The following SLC35E4 variants were observed in gnomAD, a reference collection of about 807,000 sequenced individuals.
SLC35E4 encodes solute carrier family 35, member E4.
SLC35E4 carries 15 observed loss-of-function variants against 19.3 expected under a neutral mutation model. The observed-to-expected ratio is 0.78, with a 90% confidence interval of 0.52 to 1.20. The LOEUF is 1.20. Among genes scored for constraint, SLC35E4 ranks in the 50% most tolerant of loss-of-function variants. The probability of loss-of-function intolerance (pLI) is 0.00; values close to 1 mark genes in which losing one functional copy is unlikely to be tolerated. For missense variants in SLC35E4, 406 were observed against 472.3 expected (o/e 0.86, Z 1.30); for synonymous variants, 219 against 219.9 (o/e 1.00, Z 0.04).
downstream of SLC35E4, among the ~76,000 whole-genome samples, chr22:30,651,849 C>T (rs2088228602): frequency 6.6e-6 from 1 of 151,992 alleles, no homozygotes; most frequent in Admixed American, 6.6e-5. Flanking sequence ...TCGGGAGTGG[C>T]TTAGTGGGTT....
chr22:30,650,982 C>T (rs2088199392), downstream of SLC35E4, among the ~76,000 whole-genome samples: 1 of 151,042 alleles, frequency 6.6e-6, no homozygotes, highest in Non-Finnish European at 1.5e-5. Context: ...CTTGGATTGG[C>T]ATTCCAGGGG....
At chr22:30,662,331 G>A (rs542599421) in exon 3 of SLC35E4, 2 of 152,314 alleles carry the variant, frequency 1.3e-5, no homozygotes, top group South Asian at 4.1e-4. Flanking sequence ...ACATGAAGAG[G>A]AGGTGACAGG....
chr22:30,649,225 G>A (rs766324334), downstream of SLC35E4: 10 of 717,108 alleles, frequency 1.4e-5, no homozygotes, highest in South Asian at 3.0e-5. Context: ...AATGAGGAGC[G>A]CTGGGCAGGG....
At chr22:30,657,644 C>T (rs1266099550) in intron 2 of SLC35E4, among the ~76,000 whole-genome samples, 1 of 151,712 alleles carries the variant, frequency 6.6e-6, no homozygotes, top group Non-Finnish European at 1.5e-5. Context: ...GTGGCTCATG[C>T]CTGTAATCCC....
downstream of SLC35E4, among the ~76,000 whole-genome samples, chr22:30,664,285 T>C (rs1279725966): frequency 6.6e-6 from 1 of 152,154 alleles, no homozygotes; most frequent in African/African-American, 2.4e-5. Context: ...GTGAAGAGCA[T>C]GAATCTGCAT....
downstream of SLC35E4, chr22:30,663,862 T>C (rs1602106650): frequency 1.2e-6 from 2 of 1,614,184 alleles, no homozygotes; most frequent in South Asian, 1.1e-5. Flanking sequence ...TTGATGACCA[T>C]GGTGATCTGG....
Position 30,636,648 on chromosome 22 carries a change from C to G in SLC35E4, c.198C>G (p.Leu66=), listed in dbSNP as rs1357227690. Reference sequence around the variant, plus strand: ...TGGCGGGAGCCAGCATGTCAAGCCTCAACAAGTGGATCTTCACAGTGCACG... The same window carrying G: ...TGGCGGGAGCCAGCATGTCAAGCCTGAACAAGTGGATCTTCACAGTGCACG... ...WLLAGASMSS[L]NKWIFTVHGF... is the part of the protein sequence containing the mutation. The change falls in exon 1 of 2, where the codon CTC becomes CTG. Residue 66 remains leucine, a synonymous_variant. Coordinates refer to ENST00000343605, the MANE Select transcript of SLC35E4 (RefSeq NM_001001479.4). 1 of 1,611,924 alleles carries G rather than the reference C, an allele frequency of 6.2e-7. No homozygotes were observed. The highest frequency in any genetic ancestry group is 8.5e-7 in the Non-Finnish European group (1 of 1,179,358).
Position 30,637,553 on chromosome 22 carries a change from C to T in SLC35E4, c.619+484C>T, listed in dbSNP as rs913765136. ...TCAAGCGTGAGCCACCCCACCTGGT[C>T]AGCTAATTTTTTTTTTTTATAGACA... On this transcript the variant is annotated intron_variant, in intron 1 of 1. Transcript: ENST00000343605. Among the ~76,000 whole-genome samples, 11 of 152,016 alleles carry T rather than the reference C, an allele frequency of 7.2e-5. 2 individuals carry two copies. Among genetic ancestry groups the T allele is most frequent in the Non-Finnish European group, 7.4e-5 (5 of 68,022 alleles).
chr22:30,654,654 G>T (rs2145592675), intron 2 of SLC35E4: 1 of 449,124 alleles, frequency 2.2e-6, no homozygotes, highest in Non-Finnish European at 4.4e-6. Flanking sequence ...ACTTGTGGAG[G>T]AAGGCCAGGT....
chr22:30,642,517 C>G (rs1052554046), intron 1 of SLC35E4, among the ~76,000 whole-genome samples: 2 of 151,928 alleles, frequency 1.3e-5, no homozygotes, highest in East Asian at 3.9e-4. Context: ...GCAGGCAGCT[C>G]ACTTGAGGTC....
At position 30,637,054 on chromosome 22, in the gene SLC35E4, A is replaced by C. The variant is rs2087964373; in HGVS notation, c.604A>C (p.Lys202Gln). 6.4e-7 allele frequency: 1 copy of C among 1,570,712 alleles called. No homozygotes were observed. The highest frequency in any genetic ancestry group is 8.7e-7 in the Non-Finnish European group (1 of 1,154,778). Residue 202 changes from lysine (K) to glutamine (Q), a missense_variant, in exon 1 of 2, where the codon AAG (lysine) becomes CAG (glutamine). Lys to Gln is a moderately conservative substitution (Grantham distance 53). Transcript: ENST00000343605. ...LLAATCLRGL[K>Q]SVQQSALLQE... ...CGCAGCCACCTGCCTCCGCGGACTC[A>C]AGTCGGTTCAGCAAAGTAAGTGCCT...
chr22:30,639,551 TA>T (rs1190585879), intron 1 of SLC35E4, among the ~76,000 whole-genome samples: 7 of 152,154 alleles, frequency 4.6e-5, no homozygotes, highest in Non-Finnish European at 1.0e-4. Flanking sequence ...ATTTCATCCC[TA>T]CAGCTTCGAC....
downstream of SLC35E4, among the ~76,000 whole-genome samples, chr22:30,651,423 ATATATTTTTTTTTTT>A (rs1569062106): frequency 1.0e-3 from 38 of 37,450 alleles, no homozygotes; most frequent in East Asian, 6.5e-3. Flanking sequence ...ATATATATAT[ATATATTTTTTTTTTT>A]TTTTTTTTTT....
intron 1 of SLC35E4, among the ~76,000 whole-genome samples, chr22:30,637,326 A>G (rs1296194877): frequency 6.6e-6 from 1 of 152,210 alleles, no homozygotes; most frequent in Admixed American, 6.5e-5. Flanking sequence ...TCTGTCACCC[A>G]GGCTGCATTG....
rs79838694 is a variant in SLC35E4 at position 30,647,082 on chromosome 22, C to A, written c.*51C>A. The A allele has an allele frequency of 4.7e-3, 7,236 of 1,527,576 alleles. 296 individuals carry two copies. The African/African-American group carries it at 0.087, about 18-fold the overall frequency. 94.6% of individuals were successfully genotyped at this position (1,527,576 alleles called of 1,614,324 possible). A position where few individuals can be genotyped will look rare whatever the true frequency, so the allele number is the denominator to read the frequency against. ...TGGGATGGCCCTGGCCTGAATCCAG[C>A]CTCCGCTGTGGCCATAGAAGGAATG... On this transcript the variant is annotated 3_prime_UTR_variant, in exon 2 of 2. Coordinates refer to ENST00000343605, the MANE Select transcript of SLC35E4 (RefSeq NM_001001479.4).
intron 2 of SLC35E4, among the ~76,000 whole-genome samples, chr22:30,660,841 ATTTT>A (rs201034099): frequency 3.9e-4 from 57 of 144,328 alleles, no homozygotes; most frequent in African/African-American, 1.3e-3. Flanking sequence ...GCATAGAACA[ATTTT>A]TTTTTTTTTT....
intron 2 of SLC35E4, among the ~76,000 whole-genome samples, chr22:30,658,087 C>G (rs2088381835): frequency 6.6e-6 from 1 of 151,088 alleles, no homozygotes; most frequent in Non-Finnish European, 1.5e-5. Context: ...GCCTGGGCAA[C>G]AGAATAAGAC....
At chr22:30,649,064 G>A, downstream of SLC35E4, 1 of 658,414 alleles carries the variant, frequency 1.5e-6, no homozygotes, top group South Asian at 1.7e-5. Context: ...CTCTCCTGGA[G>A]ATCACCTGTT....
intron 2 of SLC35E4, among the ~76,000 whole-genome samples, chr22:30,659,745 T>C (rs1288778006): frequency 6.6e-6 from 1 of 152,252 alleles, no homozygotes; most frequent in Non-Finnish European, 1.5e-5. Flanking sequence ...TGTTACTTTA[T>C]ATGACAAAGG....
Sources: allele counts gnomAD v4.1 joint callset (sites outside exome capture counted in the v4.1 genomes callset), GRCh38; gene constraint gnomAD v4.1.1; transcripts MANE v1.5; gene names NCBI Gene and HGNC (gene_info 2026-07-23, HGNC 2026-07-21).